Variants in LCORL observed in about 807,000 individuals in gnomAD.
LCORL encodes the protein ligand-dependent nuclear receptor corepressor-like protein.
Under a neutral mutation model 141.8 loss-of-function variants are expected in LCORL, and 41 were observed. The observed-to-expected ratio is 0.29, with a 90% CI of 0.23 to 0.38. LCORL has a LOEUF of 0.38. Ranked by LOEUF, LCORL falls within the 10% of genes least tolerant of loss-of-function variation. The pLI is 1.00. For missense variants in LCORL, 1,759 were observed against 2,035.0 expected (o/e 0.86, Z 2.61); for synonymous variants, 618 against 694.1 (o/e 0.89, Z 1.72).
chr4:17,971,493 A>G (rs1352910097), intron 2 of LCORL, among the ~76,000 whole-genome samples: 4 of 151,182 alleles, frequency 2.6e-5, no homozygotes, highest in Admixed American at 1.3e-4. Context: ...AATGACCTAT[A>G]ATGAGCAGCC....
At chr4:17,874,142 A>G (rs1726667813) in exon 7 of LCORL, 6 of 1,233,918 alleles carry the variant, frequency 4.9e-6, no homozygotes, top group Non-Finnish European at 2.0e-6. Context: ...CAACTGTTCC[A>G]TGGTTGTGCA....
intron 5 of LCORL, chr4:17,893,650 C>A: frequency 2.1e-6 from 2 of 948,630 alleles, no homozygotes; most frequent in Non-Finnish European, 2.5e-6. Context: ...AGTTTTGCTA[C>A]AGTAGGTAAA....
chr4:17,935,305 TTAGA>T (rs35178828), intron 4 of LCORL, among the ~76,000 whole-genome samples: 19,218 of 152,162 alleles, frequency 0.13, 1,337 homozygotes, highest in South Asian at 0.26. Flanking sequence ...CTTTTGTAGC[TTAGA>T]AAATAACTAC....
Position 18,006,703 on chromosome 4 carries a change from T to C in LCORL, c.154+14895A>G, listed in dbSNP as rs1166912558. Among the ~76,000 whole-genome samples, 4 of 152,226 alleles carry C rather than the reference T, an allele frequency of 2.6e-5. No individual in the cohort carries two copies. The East Asian group carries it at 7.7e-4, about 29-fold the overall frequency. ...AAACCATCAGATCTCATGAGACTCATTCACCATCACAAGAACAGCGCAGGA... is the reference window on the plus strand; with the variant it reads ...AAACCATCAGATCTCATGAGACTCACTCACCATCACAAGAACAGCGCAGGA... On this transcript the variant is annotated intron_variant, in intron 1 of 7. Coordinates refer to ENST00000635767, the Ensembl canonical transcript of LCORL.
At chr4:17,934,031 T>C (rs1009219640) in intron 4 of LCORL, among the ~76,000 whole-genome samples, 1 of 152,046 alleles carries the variant, frequency 6.6e-6, no homozygotes, top group African/African-American at 2.4e-5. Flanking sequence ...GTCCTATGAT[T>C]TTAAGACTCT....
intron 1 of LCORL, among the ~76,000 whole-genome samples, chr4:17,990,056 T>C (rs13151620): frequency 0.13 from 19,149 of 151,512 alleles, 1,350 homozygotes; most frequent in South Asian, 0.26. Flanking sequence ...ATCTCCCACT[T>C]CGTCTTCTAC....
intron 5 of LCORL, among the ~76,000 whole-genome samples, chr4:17,895,865 T>A (rs1375569639): frequency 6.6e-6 from 1 of 152,242 alleles, no homozygotes; most frequent in South Asian, 2.1e-4. Flanking sequence ...TCATGTAGCA[T>A]GCATCAGTAC....
At position 18,021,450 on chromosome 4, in the gene LCORL, G is replaced by C; in HGVS notation, c.154+148C>G. ...CCCGCAAGACAAAAGGCGAGCGCCG[G>C]GGCCGCCGCGCCGCGCCGCTCCCAT... On this transcript the variant is annotated intron_variant, in intron 1 of 7. Transcript: ENST00000635767. The surrounding 1 kb of genome is among the most constrained non-coding windows in gnomAD (Gnocchi z 5.5). 1 of 633,982 alleles carries C rather than the reference G, an allele frequency of 1.6e-6. No homozygotes were observed. The highest frequency in any genetic ancestry group is 2.5e-6 in the Non-Finnish European group (1 of 404,838). The allele number at this position is 633,982 out of a possible 1,614,324, so 39.3% of individuals were successfully genotyped here.
At chr4:18,020,395 C>A (rs1725314773) in intron 1 of LCORL, 2 of 152,168 alleles carry the variant, frequency 1.3e-5, no homozygotes, top group African/African-American at 4.8e-5. Flanking sequence ...CTGCCACTAT[C>A]CACTGCTTAC....
intron 4 of LCORL, chr4:17,911,854 G>A (rs1294281614): frequency 1.1e-5 from 5 of 458,996 alleles, no homozygotes; most frequent in East Asian, 5.1e-5. Flanking sequence ...CTTGAGGTCC[G>A]GGGACCTGGC....
intron 4 of LCORL, among the ~76,000 whole-genome samples, chr4:17,926,795 G>C (rs1735222618): frequency 6.6e-6 from 1 of 152,202 alleles, no homozygotes; most frequent in Non-Finnish European, 1.5e-5. Context: ...CAGATGTGTT[G>C]TCATCCAGGC....
intron 7 of LCORL, among the ~76,000 whole-genome samples, chr4:17,856,171 A>G (rs917518276): frequency 1.3e-5 from 2 of 152,238 alleles, no homozygotes; most frequent in East Asian, 1.9e-4. Flanking sequence ...GATAATTCCA[A>G]TGAATTTTAG....
chr4:17,947,136 A>G (rs1739012500), intron 4 of LCORL, among the ~76,000 whole-genome samples: 1 of 152,030 alleles, frequency 6.6e-6, no homozygotes, highest in South Asian at 2.1e-4. Flanking sequence ...ATGAATCTGA[A>G]AAAAGAAAAT....
intron 5 of LCORL, among the ~76,000 whole-genome samples, chr4:17,907,494 T>C (rs1731824183): frequency 6.6e-6 from 1 of 152,126 alleles, no homozygotes; most frequent in African/African-American, 2.4e-5. Flanking sequence ...TCTAGTCTCT[T>C]CAGAAATCCC....
chr4:17,896,324 C>G lies in LCORL; in HGVS notation c.683-10163G>C, dbSNP rs901752663. ...TCAAGAGGGAGTTTCGCTCTTGTTGCCCAGGCTGGAGTGCAATGGCACAAT... is the reference window on the plus strand; with the variant it reads ...TCAAGAGGGAGTTTCGCTCTTGTTGGCCAGGCTGGAGTGCAATGGCACAAT... On this transcript the variant is annotated intron_variant, in intron 5 of 7. Transcript: ENST00000635767. Among the ~76,000 whole-genome samples the G allele has an allele frequency of 3.3e-5, 5 of 152,076 alleles. No homozygotes were observed. In the East Asian group the frequency reaches 9.6e-4, roughly 29 times the overall value.
intron 4 of LCORL, 51 bp from the exon 5 acceptor site, chr4:17,909,396 A>C: frequency 7.6e-7 from 1 of 1,314,828 alleles, no homozygotes; most frequent in East Asian, 2.5e-5. Flanking sequence ...AAGGCAAATC[A>C]CCAACATTTA....
At position 17,884,444 on chromosome 4, in the gene LCORL, T is replaced by G; in HGVS notation, c.776+1624A>C. 3 of 1,550,234 alleles carry G rather than the reference T, an allele frequency of 1.9e-6. 1 individual carries two copies. The highest frequency in any genetic ancestry group is 2.6e-6 in the Non-Finnish European group (3 of 1,146,254). On this transcript the variant is annotated intron_variant, in intron 6 of 7. Transcript: ENST00000635767. The surrounding 1 kb of genome is among the most constrained non-coding windows in gnomAD (Gnocchi z 4.4). ...GGTTTCAAGTAGATTGAGTTTACTT[T>G]TTTCTGTGCGCTCTGCTTGAGCTCT...
At chr4:18,020,998 C>CCCGCCCCTCGGACGACGCCCCCG (rs1725455773) in intron 1 of LCORL, among the ~76,000 whole-genome samples, 1 of 152,056 alleles carries the variant, frequency 6.6e-6, no homozygotes, top group Non-Finnish European at 1.5e-5. Context: ...TTGGGCGCCC[C>CCCGCCCCTCGGACGACGCCCCCG]CCGCCCCTCG....
intron 5 of LCORL, among the ~76,000 whole-genome samples, chr4:17,902,206 T>C (rs919498369): frequency 3.9e-5 from 6 of 152,088 alleles, no homozygotes; most frequent in African/African-American, 9.7e-5. Flanking sequence ...GAGTTTAGGA[T>C]TTTAGACGTT....
Sources: gnomAD v4.1 joint callset for allele counts (sites outside exome capture counted in the v4.1 genomes callset) on GRCh38, gnomAD v4.1.1 for gene constraint, Gnocchi (gnomAD v3.1) non-coding constraint, MANE v1.5 for transcripts, NCBI Gene and HGNC (gene_info 2026-07-23, HGNC 2026-07-21) for gene names.